FLT1: variants seen among roughly 807,000 people sequenced by gnomAD.
FLT1 encodes vascular endothelial growth factor receptor 1.
A neutral mutation model predicts 156.3 loss-of-function variants in FLT1; 49 were observed. The observed-to-expected ratio is 0.31, with a 90% CI of 0.25 to 0.40. The LOEUF is 0.40. Ranked by LOEUF, FLT1 falls within the 10% of genes least tolerant of loss-of-function variation. FLT1 has a pLI of 1.00. For missense variants in FLT1, 1,322 were observed against 1,637.2 expected (o/e 0.81, Z 3.32); for synonymous variants, 594 against 583.8 (o/e 1.02, Z -0.25).
At chr13:28,310,333 T>TG (rs1870947130) in intron 27 of FLT1, among the ~76,000 whole-genome samples, 2 of 152,188 alleles carry the variant, frequency 1.3e-5, no homozygotes, top group African/African-American at 2.4e-5. Flanking sequence ...AAAGGAGTCC[T>TG]GACTGCATCG....
Position 28,494,905 on chromosome 13 carries a change from G to C in FLT1, c.-62C>G. ...GCTCCCCGCGGCCAACGACCCGGCC[G>C]CCAGAGTCCGTCCTCTCGTTCGCCG... On this transcript the variant is annotated 5_prime_UTR_variant, in exon 1 of 30. Transcript: ENST00000282397. 1 of 1,362,708 alleles carries C rather than the reference G, an allele frequency of 7.3e-7. No individual in the cohort carries two copies. Among genetic ancestry groups the C allele is most frequent in the Admixed American group, 2.2e-5 (1 of 45,192 alleles). 84.4% of individuals were successfully genotyped at this position (1,362,708 alleles called of 1,614,324 possible).
intron 15 of FLT1, 79 bp from the exon 16 acceptor site, chr13:28,345,630 G>T: frequency 1.1e-6 from 1 of 902,080 alleles, no homozygotes; most frequent in Non-Finnish European, 1.8e-6. Flanking sequence ...TATAAAAGAG[G>T]CTCAGTTTCC....
At chr13:28,471,600 G>A (rs566367259) in intron 1 of FLT1, among the ~76,000 whole-genome samples, 12 of 152,304 alleles carry the variant, frequency 7.9e-5, no homozygotes, top group African/African-American at 2.6e-4. Flanking sequence ...GCATGGGGAA[G>A]TCAGCTTGAT....
chr13:28,384,759 C>T, intron 14 of FLT1, 126 bp downstream of exon 14: 2 of 907,756 alleles, frequency 2.2e-6, no homozygotes, highest in Admixed American at 3.7e-5. Flanking sequence ...GAACCAGATC[C>T]CAGTGTTTGG....
chr13:28,426,467 TAA>T (rs1877348225), intron 10 of FLT1, among the ~76,000 whole-genome samples: 1 of 152,196 alleles, frequency 6.6e-6, no homozygotes, highest in Admixed American at 6.5e-5. Flanking sequence ...TGGCCCAGCC[TAA>T]AGACACAAGG....
At chr13:28,381,237 A>G (rs1452700177) in intron 14 of FLT1, among the ~76,000 whole-genome samples, 1 of 152,186 alleles carries the variant, frequency 6.6e-6, no homozygotes, top group Non-Finnish European at 1.5e-5. Flanking sequence ...GGATTTTGTG[A>G]TCAAGTAAGT....
chr13:28,448,671 G>A (rs907076043), intron 3 of FLT1, among the ~76,000 whole-genome samples: 54 of 152,294 alleles, frequency 3.5e-4, no homozygotes, highest in African/African-American at 1.1e-3. Context: ...AAAATTGACC[G>A]TGATGATGAT....
intron 12 of FLT1, among the ~76,000 whole-genome samples, chr13:28,396,107 A>T (rs1204724660): frequency 6.6e-6 from 1 of 152,226 alleles, no homozygotes; most frequent in Non-Finnish European, 1.5e-5. Flanking sequence ...CTACTCAGGG[A>T]TATCTCCCAT....
chr13:28,449,262 C>A (rs1234243870), intron 3 of FLT1, among the ~76,000 whole-genome samples: 2 of 152,250 alleles, frequency 1.3e-5, no homozygotes, highest in Non-Finnish European at 2.9e-5. Flanking sequence ...CAGAGCAAGA[C>A]CCTGTCTCTA....
chr13:28,392,314 C>A (rs1471820425), intron 12 of FLT1, among the ~76,000 whole-genome samples: 2 of 152,200 alleles, frequency 1.3e-5, no homozygotes, highest in Admixed American at 1.3e-4. Context: ...GGGCAGCTGA[C>A]AGTCACTTTT....
At chr13:28,321,649 T>G in intron 22 of FLT1, 64 bp from the exon 23 acceptor site, 1 of 1,514,594 alleles carries the variant, frequency 6.6e-7, no homozygotes, top group Non-Finnish European at 9.2e-7. Flanking sequence ...TTCCTACACC[T>G]GTCAGTGTCA....
intron 3 of FLT1, among the ~76,000 whole-genome samples, chr13:28,443,296 C>A (rs1164521703): frequency 6.6e-6 from 1 of 152,192 alleles, no homozygotes; most frequent in Non-Finnish European, 1.5e-5. Context: ...GGAACGATGT[C>A]TATTTTTTAA....
rs772339819 is a variant in FLT1 at position 28,405,867 on chromosome 13, C to G, written c.1464G>C (p.Glu488Asp). The G allele has an allele frequency of 6.2e-7, 1 of 1,606,546 alleles. No individual in the cohort carries two copies. Among genetic ancestry groups the G allele is most frequent in the Non-Finnish European group, 8.5e-7 (1 of 1,175,146 alleles). The change falls in exon 11 of 30, where the codon GAG (glutamate) becomes GAC (aspartate). Residue 488 changes from glutamate to aspartate, a missense_variant. Around this residue, in one of 3 missense-constraint regions of FLT1, gnomAD observed 991 missense variants for 1,254.8 expected, o/e 0.79. Transcript: ENST00000282397. Reference sequence around the variant, plus strand: ...TGCTGTCAGCATCCAGGATAAAGGACTCTTCATTATTGGAACAAAAGTCAC... The same window carrying G: ...TGCTGTCAGCATCCAGGATAAAGGAGTCTTCATTATTGGAACAAAAGTCAC... Reference protein sequence around the residue: ...ARCDFCSNNEESFILDADSNM... With the variant: ...ARCDFCSNNEDSFILDADSNM...
At chr13:28,460,797 T>TACACACAC (rs369507550) in intron 3 of FLT1, among the ~76,000 whole-genome samples, 13 of 145,932 alleles carry the variant, frequency 8.9e-5, no homozygotes, top group African/African-American at 3.2e-4. Flanking sequence ...TCAGACCCAT[T>TACACACAC]ACACACACAC....
At chr13:28,336,180 G>T (rs1392952074) in intron 17 of FLT1, among the ~76,000 whole-genome samples, 1 of 152,190 alleles carries the variant, frequency 6.6e-6, no homozygotes, top group Non-Finnish European at 1.5e-5. Context: ...AACACACTTT[G>T]TTTTAACAAG....
chr13:28,326,795 G>A (rs1209945804), intron 20 of FLT1, among the ~76,000 whole-genome samples: 1 of 152,146 alleles, frequency 6.6e-6, no homozygotes, highest in Non-Finnish European at 1.5e-5. Flanking sequence ...AAAGTTCTGG[G>A]ATTACAGGCG....
Position 28,322,730 on chromosome 13 carries a change from G to A in FLT1, c.2953+60C>T. The A allele has an allele frequency of 6.6e-7, 1 of 1,523,130 alleles. No individual in the cohort carries two copies. Among genetic ancestry groups the A allele is most frequent in the Non-Finnish European group, 9.1e-7 (1 of 1,099,878 alleles). 94.4% of individuals were successfully genotyped at this position (1,523,130 alleles called of 1,614,324 possible). A position where few individuals can be genotyped will look rare whatever the true frequency, so the allele number is the denominator to read the frequency against. ...TGATAAATAAGAAAAAAATTTCAGA[G>A]ATGCATAGTATGTTGTAAAAATATC... is the stretch of plus-strand genomic sequence containing the variant. On this transcript the variant is annotated intron_variant, in intron 21 of 29. Coordinates refer to ENST00000282397, the MANE Select transcript of FLT1 (RefSeq NM_002019.4). This position sits in a 1 kb window ranked among gnomAD's most constrained non-coding sequence, Gnocchi z 4.3.
rs1175648521 is a variant in FLT1, at chr13:28,311,699, G to A, written c.3526C>T (p.Leu1176=). 1 of 1,613,932 alleles carries A rather than the reference G, an allele frequency of 6.2e-7. No individual in the cohort carries two copies. Residue 1176 remains leucine, a synonymous_variant, in exon 27 of 30, where the codon CTG becomes TTG. Transcript: ENST00000282397. The stretch of plus-strand genomic sequence containing the variant: ...TATGTAAACCCACTATTTCCTGTCA[G>A]TATGGCATTGATTGGGATGTAGTCT... The part of the protein sequence containing the change: ...GKDYIPINAI[L]TGNSGFTYST...
intron 1 of FLT1, among the ~76,000 whole-genome samples, chr13:28,471,578 T>C (rs1880184810): frequency 6.6e-6 from 1 of 152,196 alleles, no homozygotes; most frequent in Admixed American, 6.5e-5. Context: ...CATAAACACA[T>C]GCATAGTCAT....
Sources: gnomAD v4.1 joint callset for allele counts (sites outside exome capture counted in the v4.1 genomes callset) on GRCh38, gnomAD v4.1.1 for gene constraint, gnomAD v4.1.1 regional missense constraint, Gnocchi (gnomAD v3.1) non-coding constraint, MANE v1.5 for transcripts, NCBI Gene and HGNC (gene_info 2026-07-23, HGNC 2026-07-21) for gene names.